PHKA2: variants seen among roughly 807,000 people sequenced by gnomAD.
PHKA2 encodes the protein phosphorylase kinase regulatory subunit alpha 2, also known as phosphorylase b kinase regulatory subunit alpha, liver isoform.
A neutral mutation model predicts 102.0 loss-of-function variants in PHKA2; 31 were observed. The ratio of observed to expected loss-of-function variants is 0.30; its 90% CI spans 0.23 to 0.41. PHKA2 has a LOEUF of 0.41. Among genes scored for constraint, PHKA2 ranks in the 10% least tolerant of loss-of-function variants. The probability of loss-of-function intolerance (pLI) is 1.00; values close to 1 mark genes in which losing one functional copy is unlikely to be tolerated. For synonymous variants in PHKA2, 455 were observed against 416.2 expected (o/e 1.09, Z -1.13); for missense variants, 858 against 1,023.1 (o/e 0.84, Z 2.20).
At chrX:18,894,099 G>A (rs1054664102) in intron 32 of PHKA2, 105 bp downstream of exon 32, 8 of 763,331 alleles carry the variant, frequency 1.0e-5, no homozygotes, top group African/African-American at 2.1e-5. Flanking sequence ...CCCATCATCT[G>A]TGATGACATT....
chrX:18,938,547 C>T, intron 10 of PHKA2, 80 bp downstream of exon 10: 1 of 1,013,227 alleles, frequency 9.9e-7, no homozygotes, highest in Admixed American at 2.2e-5. Flanking sequence ...TAAATTCTTG[C>T]ATAACCCTAT....
chrX:18,908,041 G>A lies in PHKA2; in HGVS notation c.2376C>T (p.Asp792=), dbSNP rs376764779. 15 of 1,211,212 alleles carry A rather than the reference G, an allele frequency of 1.2e-5. No individual in the cohort carries two copies. Among genetic ancestry groups the A allele is most frequent in the Non-Finnish European group, 1.7e-5 (15 of 894,924 alleles). ...CCCCGTGCTGTCCAGAGAGATTTGT[G>A]TCCCAGCTGGGACCCCTGCCAAGAG... The part of the protein sequence containing the change: ...ILYVIKGPSW[D]TNLSGQHGVT... Residue 792 remains aspartate, a synonymous_variant, in exon 22 of 33, where the codon GAC becomes GAT. Transcript: ENST00000379942.
At chrX:18,969,907 T>C (rs1163375808) in intron 1 of PHKA2, among the ~76,000 whole-genome samples, 1 of 112,704 alleles carries the variant, frequency 8.9e-6, no homozygotes, top group Non-Finnish European at 1.9e-5. Flanking sequence ...CTTATTGTTC[T>C]ATAACTTGCT....
chrX:18,944,214 G>A (rs1182278440), intron 6 of PHKA2, among the ~76,000 whole-genome samples: 1 of 111,861 alleles, frequency 8.9e-6, no homozygotes. Flanking sequence ...AGTGAAGTTA[G>A]TGTTCTACCT....
At chrX:18,940,097 T>C (rs2048467703) in intron 8 of PHKA2, 49 bp from the exon 9 acceptor site, 2 of 915,565 alleles carry the variant, frequency 2.2e-6, no homozygotes, top group East Asian at 3.1e-5. Context: ...TTTTTTGCCT[T>C]TTTAATTCAA....
rs1265051382 is a variant in PHKA2, at chrX:18,920,147, C to T, written c.1848G>A (p.Leu616=). Residue 616 remains leucine, a synonymous_variant, in exon 18 of 33, where the codon CTG becomes CTA. Coordinates refer to ENST00000379942, the MANE Select transcript of PHKA2 (RefSeq NM_000292.3). ...EFLTTSFYTY[L]TFLDPDCDEK... ...CATCACAGTCTGGATCCAGAAAAGT[C>T]AGATATGTGTAGAACGATGTGGTGA... is the stretch of plus-strand genomic sequence containing the variant. 1.4e-5 allele frequency: 15 copies of T among 1,109,558 alleles called. No homozygotes were observed. Among genetic ancestry groups the T allele is most frequent in the Non-Finnish European group, 1.9e-5 (15 of 803,264 alleles). 91.4% of individuals were successfully genotyped at this position (1,109,558 alleles called of 1,213,427 possible).
Position 18,906,008 on chromosome X carries a change from G to C in PHKA2, c.2807-149C>G, listed in dbSNP as rs1273255632. On this transcript the variant is annotated intron_variant, in intron 25 of 32. Transcript: ENST00000379942. The stretch of plus-strand genomic sequence containing the variant: ...AGAACCTCACTATTGCTTTGGGGCT[G>C]AAATGCACTGTTCCGTGGGGATTCT... 3 of 497,222 alleles carry C rather than the reference G, an allele frequency of 6.0e-6. No individual in the cohort carries two copies. In the African/African-American group the frequency reaches 7.0e-5, roughly 12 times the overall value. The allele number at this position is 497,222 out of a possible 1,213,427, so 41.0% of individuals were successfully genotyped here.
intron 19 of PHKA2, among the ~76,000 whole-genome samples, chrX:18,912,275 G>C (rs2047939552): frequency 1.8e-5 from 2 of 111,766 alleles, no homozygotes; most frequent in Non-Finnish European, 3.8e-5. Flanking sequence ...TGTGTCATTA[G>C]GCAAATTCCT....
chrX:18,936,024 C>T (rs768512797), intron 11 of PHKA2, 31 bp downstream of exon 11: 12 of 955,971 alleles, frequency 1.3e-5, no homozygotes, highest in East Asian at 3.1e-5. Flanking sequence ...TCTAGATAAG[C>T]GGTGCAAAGG....
intron 1 of PHKA2, among the ~76,000 whole-genome samples, chrX:18,963,837 C>T (rs2148014969): frequency 8.9e-6 from 1 of 111,856 alleles, no homozygotes; most frequent in African/African-American, 3.2e-5. Flanking sequence ...CATCTACCCA[C>T]CAGAAATAAC....
intron 20 of PHKA2, among the ~76,000 whole-genome samples, chrX:18,910,642 G>A (rs760576959): frequency 1.8e-5 from 2 of 112,054 alleles, no homozygotes; most frequent in Non-Finnish European, 3.8e-5. Flanking sequence ...TTTTTCTACA[G>A]GCAAAATGTA....
chrX:18,946,789 C>A (rs1229548295), intron 5 of PHKA2, among the ~76,000 whole-genome samples: 1 of 107,418 alleles, frequency 9.3e-6, no homozygotes, highest in East Asian at 2.9e-4. Context: ...ACCCTTTCCA[C>A]AAAGACTTCT....
At chrX:18,973,215 G>T (rs971744723) in intron 1 of PHKA2, among the ~76,000 whole-genome samples, 1 of 111,481 alleles carries the variant, frequency 9.0e-6, no homozygotes, top group Non-Finnish European at 1.9e-5. Flanking sequence ...ATGTTGGCCA[G>T]GCTGGTCTCA....
rs186550641 is a variant in PHKA2, at chrX:18,906,482, G to T, written c.2806+13C>A. ...GGGTGCGGCGGGAGCTGCAGGAGCT[G>T]CGGGCATCTCACCTGAGCAGTTCAG... On this transcript the variant is annotated intron_variant, in intron 25 of 32. Coordinates refer to ENST00000379942, the MANE Select transcript of PHKA2 (RefSeq NM_000292.3). 681 of 1,210,326 alleles carry T rather than the reference G, an allele frequency of 5.6e-4. 2 individuals carry two copies. In the African/African-American group the frequency reaches 9.1e-3, roughly 16 times the overall value.
intron 30 of PHKA2, chrX:18,895,835 G>A (rs1462903533): frequency 1.7e-5 from 2 of 116,909 alleles, no homozygotes; most frequent in African/African-American, 3.2e-5. Flanking sequence ...CCAGCACCCC[G>A]GCCTGGAGCG....
Position 18,894,320 on chromosome X carries a change from C to A in PHKA2, c.3421G>T (p.Val1141Leu). 1 of 1,211,356 alleles carries A rather than the reference C, an allele frequency of 8.3e-7. No individual in the cohort carries two copies. The highest frequency in any genetic ancestry group is 1.1e-6 in the Non-Finnish European group (1 of 895,204). Residue 1141 changes from valine to leucine, a missense_variant, in exon 32 of 33, where the codon GTG becomes TTG. Physicochemically the swap from Val to Leu is conservative, Grantham distance 32 (BLOSUM62 1). Coordinates refer to ENST00000379942, the MANE Select transcript of PHKA2 (RefSeq NM_000292.3). ...VPQPEYRQLL[V>L]EAIMVLTLLS... ...AGCGTCAGCACCATGATGGCTTCCA[C>A]CAGCAGCTGCCGGTACTCGGGCTGC...
rs1227613844 is a variant in PHKA2, at chrX:18,905,786, A to T, written c.2880T>A (p.Ser960Arg). 8.3e-7 allele frequency: 1 copy of T among 1,205,037 alleles called. No individual in the cohort carries two copies. Among genetic ancestry groups the T allele is most frequent in the East Asian group, 3.0e-5 (1 of 33,764 alleles). ...DMKNLLHHIL[S>R]GKEFGVERSV... is the part of the protein sequence containing the mutation. Reference sequence around the variant, plus strand: ...TTCTTTCAACGCCAAACTCTTTCCCACTTAGAATATGGTGCAGGAGATTTT... The same window carrying T: ...TTCTTTCAACGCCAAACTCTTTCCCTCTTAGAATATGGTGCAGGAGATTTT... The change falls in exon 26 of 33, where the codon AGT (serine) becomes AGA (arginine). Residue 960 changes from serine to arginine, a missense_variant. Physicochemically the swap from Ser to Arg is moderately radical, Grantham distance 110. Around this residue, in one of 2 missense-constraint regions of PHKA2, gnomAD observed 671 missense variants for 745.2 expected, o/e 0.90. Coordinates refer to ENST00000379942, the MANE Select transcript of PHKA2 (RefSeq NM_000292.3).
chrX:18,898,889 T>C (rs960078580), intron 29 of PHKA2, among the ~76,000 whole-genome samples: 2 of 111,981 alleles, frequency 1.8e-5, no homozygotes, highest in Admixed American at 1.9e-4. Context: ...CCCCGAAGTT[T>C]CCAGAAGCTC....
intron 19 of PHKA2, among the ~76,000 whole-genome samples, chrX:18,914,281 T>C (rs1218310937): frequency 1.8e-5 from 2 of 112,375 alleles, no homozygotes; most frequent in African/African-American, 6.5e-5. Flanking sequence ...CATAACTGTA[T>C]ATATTTTTTT....
Sources: allele counts gnomAD v4.1 joint callset (sites outside exome capture counted in the v4.1 genomes callset), GRCh38; gene constraint gnomAD v4.1.1; regional missense constraint gnomAD v4.1.1; transcripts MANE v1.5; gene names NCBI Gene and HGNC (gene_info 2026-07-23, HGNC 2026-07-21).